RAPGEF5: variants seen among roughly 807,000 people sequenced by gnomAD.
The protein encoded by RAPGEF5 is M-Ras-regulated GEF.
Under a neutral mutation model 125.2 loss-of-function variants are expected in RAPGEF5, and 65 were observed. The ratio of observed to expected loss-of-function variants is 0.52; its 90% CI spans 0.43 to 0.64. The LOEUF (loss-of-function observed/expected upper bound fraction) is 0.64, where lower values mean the gene tolerates loss of function less well. Among genes scored for constraint, RAPGEF5 ranks in the 30% least tolerant of loss-of-function variants. The pLI is 0.00. For synonymous variants in RAPGEF5, 391 were observed against 385.9 expected, an observed-to-expected ratio of 1.01 and a Z score of -0.16; for missense variants, 958 against 1,048.1, an observed-to-expected ratio of 0.91 and a Z score of 1.19.
intron 23 of RAPGEF5, among the ~76,000 whole-genome samples, chr7:22,133,591 T>C (rs1411939059): frequency 6.6e-6 from 1 of 152,088 alleles, no homozygotes; most frequent in Non-Finnish European, 1.5e-5. Context: ...AGTCCCAACA[T>C]TCCTTCCCTT....
chr7:22,146,764 T>C (rs1171326926), intron 19 of RAPGEF5, 133 bp downstream of exon 19: 3 of 1,153,592 alleles, frequency 2.6e-6, no homozygotes, highest in Admixed American at 3.2e-5. Flanking sequence ...TCTTTCAATA[T>C]ATTTCAAGTC....
chr7:22,270,974 A>G (rs1314713111), intron 6 of RAPGEF5, among the ~76,000 whole-genome samples: 3 of 152,186 alleles, frequency 2.0e-5, no homozygotes, highest in Non-Finnish European at 4.4e-5. Context: ...CTAATGTAGG[A>G]CTGTGAATAA....
chr7:22,180,057 G>A (rs372275366), intron 11 of RAPGEF5, among the ~76,000 whole-genome samples: 123 of 152,146 alleles, frequency 8.1e-4, no homozygotes, highest in Admixed American at 3.1e-3. Context: ...TACTTCTTGC[G>A]TGAGACACAA....
intron 9 of RAPGEF5, among the ~76,000 whole-genome samples, chr7:22,216,363 T>A (rs1170326733): frequency 6.6e-6 from 1 of 152,178 alleles, no homozygotes; most frequent in Non-Finnish European, 1.5e-5. Flanking sequence ...CAGTCTTTCA[T>A]AATGGAATTT....
At chr7:22,141,557 G>A (rs1475122381) in intron 20 of RAPGEF5, among the ~76,000 whole-genome samples, 1 of 152,204 alleles carries the variant, frequency 6.6e-6, no homozygotes, top group South Asian at 2.1e-4. Flanking sequence ...AGCTACACAT[G>A]GCTCCAAGCA....
intron 17 of RAPGEF5, among the ~76,000 whole-genome samples, chr7:22,154,068 G>A (rs1192758380): frequency 6.6e-6 from 1 of 151,704 alleles, no homozygotes; most frequent in East Asian, 1.9e-4. Flanking sequence ...CTATTAAATT[G>A]TCAGCCCGCA....
chr7:22,296,286 G>A (rs1269624934), intron 5 of RAPGEF5, among the ~76,000 whole-genome samples: 1 of 152,124 alleles, frequency 6.6e-6, no homozygotes, highest in African/African-American at 2.4e-5. Flanking sequence ...GAGATGACTG[G>A]CATTAAAAAG....
chr7:22,277,964 T>A (rs1425280214), intron 6 of RAPGEF5, among the ~76,000 whole-genome samples: 4 of 152,202 alleles, frequency 2.6e-5, no homozygotes, highest in African/African-American at 9.7e-5. Context: ...GGTATTCATG[T>A]TTGGGGGACC....
chr7:22,187,269 A>T (rs542509260), intron 11 of RAPGEF5, among the ~76,000 whole-genome samples: 4 of 152,286 alleles, frequency 2.6e-5, no homozygotes, highest in African/African-American at 9.6e-5. Context: ...GAAAATATAG[A>T]TCCCTTTGAA....
At chr7:22,150,773 A>T (rs1243084280) in intron 17 of RAPGEF5, among the ~76,000 whole-genome samples, 3 of 152,224 alleles carry the variant, frequency 2.0e-5, no homozygotes, top group Non-Finnish European at 4.4e-5. Context: ...AACACAGAAC[A>T]GTTTAAGACA....
intron 5 of RAPGEF5, among the ~76,000 whole-genome samples, chr7:22,307,984 G>A (rs1318725494): frequency 1.3e-5 from 2 of 152,092 alleles, no homozygotes; most frequent in Non-Finnish European, 2.9e-5. Context: ...TGAGCTCTTA[G>A]GAAAGTCACG....
At chr7:22,196,943 C>A (rs1232274114) in intron 9 of RAPGEF5, among the ~76,000 whole-genome samples, 8 of 152,132 alleles carry the variant, frequency 5.3e-5, no homozygotes, top group Non-Finnish European at 1.2e-4. Context: ...AGAGGCAGAA[C>A]TATGAACATT....
chr7:22,290,637 T>C (rs113908919), intron 6 of RAPGEF5, among the ~76,000 whole-genome samples: 14,567 of 148,198 alleles, frequency 0.098, 951 homozygotes, highest in East Asian at 0.34. Flanking sequence ...CCCAGCTACT[T>C]GGGAGGCTGA....
At chr7:22,267,923 A>T (rs972025726) in intron 6 of RAPGEF5, among the ~76,000 whole-genome samples, 2 of 151,538 alleles carry the variant, frequency 1.3e-5, no homozygotes, top group Admixed American at 1.3e-4. Flanking sequence ...CAGTAATGAC[A>T]CTTTAAAGGG....
At chr7:22,163,500 T>C (rs894971159) in intron 12 of RAPGEF5, among the ~76,000 whole-genome samples, 1 of 152,230 alleles carries the variant, frequency 6.6e-6, no homozygotes, top group African/African-American at 2.4e-5. Context: ...TCTGGAGGGA[T>C]ATATACTGAA....
At chr7:22,185,186 A>C (rs751386081) in intron 11 of RAPGEF5, among the ~76,000 whole-genome samples, 16 of 152,222 alleles carry the variant, frequency 1.1e-4, no homozygotes, top group Non-Finnish European at 2.2e-4. Context: ...ATTTGGGCTC[A>C]TTTCCCGATT....
At chr7:22,292,708 C>T (rs558630893) in intron 5 of RAPGEF5, among the ~76,000 whole-genome samples, 2 of 152,312 alleles carry the variant, frequency 1.3e-5, no homozygotes, top group South Asian at 2.1e-4. Flanking sequence ...AAATTAAGAA[C>T]CAAAGGCACT....
At chr7:22,256,589 C>G (rs1201772182) in intron 7 of RAPGEF5, among the ~76,000 whole-genome samples, 1 of 152,206 alleles carries the variant, frequency 6.6e-6, no homozygotes, top group Admixed American at 6.5e-5. Flanking sequence ...TTTTAAAACA[C>G]TTAACTAGCT....
intron 7 of RAPGEF5, among the ~76,000 whole-genome samples, chr7:22,237,995 G>A (rs925353835): frequency 6.6e-6 from 1 of 152,148 alleles, no homozygotes; most frequent in Non-Finnish European, 1.5e-5. Context: ...TGAGAAAAGG[G>A]GAGAAATGCA....
Sources: gnomAD v4.1 joint callset for allele counts (sites outside exome capture counted in the v4.1 genomes callset) on GRCh38, gnomAD v4.1.1 for gene constraint, MANE v1.5 for transcripts, NCBI Gene and HGNC (gene_info 2026-07-23, HGNC 2026-07-21) for gene names.